MICOS10: variants seen among roughly 807,000 people sequenced by gnomAD.
The protein encoded by MICOS10 is mitochondrial contact site and cristae organizing system subunit 10, also known as MICOS complex subunit MIC10.
A neutral mutation model predicts 13.4 loss-of-function variants in MICOS10; 5 were observed. The observed-to-expected ratio is 0.37, with a 90% confidence interval of 0.20 to 0.78. The LOEUF (loss-of-function observed/expected upper bound fraction) is 0.78, where lower values mean the gene tolerates loss of function less well. Ranked by LOEUF, MICOS10 falls within the 30% of genes least tolerant of loss-of-function variation. The pLI is 0.47. For synonymous variants in MICOS10, 35 were observed against 33.6 expected, an observed-to-expected ratio of 1.04 and a Z score of -0.15; for missense variants, 101 against 94.6, an observed-to-expected ratio of 1.07 and a Z score of -0.28.
At chr1:19,607,506 C>T (rs2094839789) in intron 1 of MICOS10, among the ~76,000 whole-genome samples, 3 of 152,080 alleles carry the variant, frequency 2.0e-5, no homozygotes, top group Admixed American at 1.3e-4. Flanking sequence ...GCCACTGACC[C>T]ACTAGTGAAA....
Position 19,621,634 on chromosome 1 carries a change from G to A in MICOS10, c.65-466G>A, listed in dbSNP as rs975607408. Among the ~76,000 whole-genome samples, 7 of 152,284 alleles carry A rather than the reference G, an allele frequency of 4.6e-5. No homozygotes were observed. In the East Asian group the frequency reaches 1.3e-3, roughly 29 times the overall value. Reference sequence around the variant, plus strand: ...ATATTCTGGCTTGTGTGATAGCTCAGCCTTTAGGAATTGTTCTGGATTACT... The same window carrying A: ...ATATTCTGGCTTGTGTGATAGCTCAACCTTTAGGAATTGTTCTGGATTACT... On this transcript the variant is annotated intron_variant, in intron 1 of 3. Transcript: ENST00000322753.
chr1:19,611,952 CAG>C (rs1413272723), intron 1 of MICOS10, among the ~76,000 whole-genome samples: 1 of 130,728 alleles, frequency 7.6e-6, no homozygotes, highest in East Asian at 2.1e-4. Flanking sequence ...AGTCTGGTGA[CAG>C]AGTGAGGCTC....
intron 1 of MICOS10, among the ~76,000 whole-genome samples, chr1:19,611,237 C>G (rs1019178734): frequency 6.6e-6 from 1 of 152,200 alleles, no homozygotes; most frequent in African/African-American, 2.4e-5. Context: ...CAGGTGCAAG[C>G]CACTGCGCCT....
intron 1 of MICOS10, chr1:19,600,725 C>T: frequency 2.6e-6 from 1 of 385,550 alleles, no homozygotes; most frequent in South Asian, 1.9e-5. Flanking sequence ...CCTCAGCCTC[C>T]TGAGTAGCTG....
chr1:19,623,781 G>A (rs1484086706), intron 3 of MICOS10, 198 bp downstream of exon 3: 5 of 518,446 alleles, frequency 9.6e-6, no homozygotes, highest in South Asian at 2.7e-5. Context: ...CTTCAGATGC[G>A]TATGTACGTT....
At chr1:19,601,998 T>A (rs993994605) in intron 1 of MICOS10, among the ~76,000 whole-genome samples, 3 of 152,242 alleles carry the variant, frequency 2.0e-5, no homozygotes, top group African/African-American at 7.2e-5. Flanking sequence ...TTAGTAACCC[T>A]GTTAGCATTT....
intron 1 of MICOS10, among the ~76,000 whole-genome samples, chr1:19,618,251 A>G (rs2100312190): frequency 6.6e-6 from 1 of 151,780 alleles, no homozygotes; most frequent in Admixed American, 6.6e-5. Context: ...GAGCACAGGC[A>G]TGCACCATCA....
intron 1 of MICOS10, among the ~76,000 whole-genome samples, chr1:19,612,853 A>G (rs1315384711): frequency 6.6e-6 from 1 of 152,218 alleles, no homozygotes; most frequent in Non-Finnish European, 1.5e-5. Flanking sequence ...CATCATTTGT[A>G]TCAACACATC....
chr1:19,602,452 A>G (rs1437616270), intron 1 of MICOS10, among the ~76,000 whole-genome samples: 1 of 152,206 alleles, frequency 6.6e-6, no homozygotes, highest in African/African-American at 2.4e-5. Flanking sequence ...AGTAGTATTA[A>G]AAATGTTTGG....
intron 1 of MICOS10, among the ~76,000 whole-genome samples, chr1:19,614,059 A>G (rs941729777): frequency 3.3e-5 from 5 of 152,116 alleles, no homozygotes; most frequent in African/African-American, 1.2e-4. Flanking sequence ...TTTATAAATC[A>G]AGTTAAATTA....
At chr1:19,617,147 C>T (rs888038015) in intron 1 of MICOS10, 2 of 315,998 alleles carry the variant, frequency 6.3e-6, no homozygotes, top group Admixed American at 6.5e-5. Context: ...AAAAGGACCC[C>T]TTTTTGAGTT....
chr1:19,607,113 T>G (rs1230326490), intron 1 of MICOS10, among the ~76,000 whole-genome samples: 1 of 152,240 alleles, frequency 6.6e-6, no homozygotes, highest in Non-Finnish European at 1.5e-5. Flanking sequence ...CTTTTGGTTG[T>G]CTATTGGTTT....
chr1:19,621,970 T>G, intron 1 of MICOS10, 130 bp from the exon 2 acceptor site: 2 of 708,280 alleles, frequency 2.8e-6, no homozygotes, highest in Non-Finnish European at 4.7e-6. Context: ...GGTTAGAAAT[T>G]AGAAAATTAA....
At chr1:19,599,608 C>G (rs1188777471) in intron 1 of MICOS10, among the ~76,000 whole-genome samples, 1 of 152,038 alleles carries the variant, frequency 6.6e-6, no homozygotes, top group Non-Finnish European at 1.5e-5. Context: ...GTGGAAGGGC[C>G]TTCAACTGAC....
intron 1 of MICOS10, among the ~76,000 whole-genome samples, chr1:19,599,940 T>C (rs771749341): frequency 2.0e-5 from 3 of 152,158 alleles, no homozygotes; most frequent in Non-Finnish European, 2.9e-5. Flanking sequence ...TCACTAGGCA[T>C]AGGCTGGTGG....
rs1205789267 is a variant in MICOS10 at position 19,622,090 on chromosome 1, C to T, written c.65-10C>T. 5 of 1,607,356 alleles carry T rather than the reference C, an allele frequency of 3.1e-6. No individual in the cohort carries two copies. Among genetic ancestry groups the T allele is most frequent in the Non-Finnish European group, 4.3e-6 (5 of 1,175,068 alleles). ...ATGAGATTTAGCATGTTTTTTCTCC[C>T]TCTTTGTAGGTACTGGTTTTGGATT... is the stretch of plus-strand genomic sequence containing the variant. On this transcript the variant is annotated splice_polypyrimidine_tract_variant and intron_variant, in intron 1 of 3. Transcript: ENST00000322753.
chr1:19,599,080 G>C (rs2094804050), intron 1 of MICOS10, among the ~76,000 whole-genome samples: 1 of 151,884 alleles, frequency 6.6e-6, no homozygotes, highest in African/African-American at 2.4e-5. Context: ...TTTTGAAATA[G>C]GGTCTCGCTC....
intron 1 of MICOS10, among the ~76,000 whole-genome samples, chr1:19,611,732 G>T (rs2094862654): frequency 6.6e-6 from 1 of 151,866 alleles, no homozygotes; most frequent in Non-Finnish European, 1.5e-5. Flanking sequence ...AGCACTTTGG[G>T]AGGCTGAGGC....
chr1:19,600,626 A>G (rs986242401), intron 1 of MICOS10, among the ~76,000 whole-genome samples: 1 of 152,166 alleles, frequency 6.6e-6, no homozygotes, highest in African/African-American at 2.4e-5. Context: ...TTTTAAGACA[A>G]GGTCTCACTC....
Sources: gnomAD v4.1 joint callset for allele counts (sites outside exome capture counted in the v4.1 genomes callset) on GRCh38, gnomAD v4.1.1 for gene constraint, MANE v1.5 for transcripts, NCBI Gene and HGNC (gene_info 2026-07-23, HGNC 2026-07-21) for gene names.